ANGPT2: variants seen among roughly 807,000 people sequenced by gnomAD.
ANGPT2 encodes angiopoietin-2.
Under a neutral mutation model 62.9 loss-of-function variants are expected in ANGPT2, and 28 were observed. That is an observed-to-expected ratio of 0.44 (90% CI 0.33 to 0.61). The LOEUF is 0.61. Ranked by LOEUF, ANGPT2 falls within the 20% of genes least tolerant of loss-of-function variation. ANGPT2 has a pLI of 0.03. For synonymous variants in ANGPT2, 284 were observed against 207.8 expected (o/e 1.37, Z -3.15); for missense variants, 727 against 594.9 (o/e 1.22, Z -2.31).
chr8:6,534,071 T>G (rs1018013437), intron 1 of ANGPT2, among the ~76,000 whole-genome samples: 3 of 152,098 alleles, frequency 2.0e-5, no homozygotes, highest in African/African-American at 7.2e-5. Flanking sequence ...GCCTGGTCAC[T>G]AAGGCTGCCT....
chr8:6,528,460 G>C (rs1355616537), intron 2 of ANGPT2, among the ~76,000 whole-genome samples: 4 of 152,094 alleles, frequency 2.6e-5, no homozygotes, highest in Non-Finnish European at 5.9e-5. Flanking sequence ...TTTTAGCCTG[G>C]GATTTCCTCA....
chr8:6,554,943 G>C (rs1027023788), intron 1 of ANGPT2, among the ~76,000 whole-genome samples: 13 of 152,162 alleles, frequency 8.5e-5, no homozygotes, highest in Non-Finnish European at 1.5e-4. Flanking sequence ...GTGATTTCAT[G>C]GAGAAATATC....
At chr8:6,547,836 T>C (rs887331039) in intron 1 of ANGPT2, among the ~76,000 whole-genome samples, 8 of 151,936 alleles carry the variant, frequency 5.3e-5, no homozygotes, top group Non-Finnish European at 1.2e-4. Flanking sequence ...GGCAGAGGTT[T>C]TCCTATTGTT....
Position 6,563,087 on chromosome 8 carries a change from A to C in ANGPT2, c.-153T>G. 1.2e-6 allele frequency: 1 copy of C among 809,394 alleles called. No homozygotes were observed. Among genetic ancestry groups the C allele is most frequent in the Non-Finnish European group, 1.9e-6 (1 of 536,374 alleles). The allele number at this position is 809,394 out of a possible 1,614,324, so 50.1% of individuals were successfully genotyped here. ...TTCTCTTTCCTCTTTTTCCAGTAGC[A>C]AACCTGGTTTTTACTGCTGTGTTCT... On this transcript the variant is annotated 5_prime_UTR_variant, in exon 1 of 9. Coordinates refer to ENST00000629816, the MANE Select transcript of ANGPT2 (RefSeq NM_001118887.2).
chr8:6,507,572 C>CTTTTTTTTTT (rs35163014), intron 8 of ANGPT2: 54 of 104,782 alleles, frequency 5.2e-4, no homozygotes, highest in Non-Finnish European at 7.2e-4. Flanking sequence ...ACTTTCTTTT[C>CTTTTTTTTTT]TTTTTTTTTT....
intron 8 of ANGPT2, among the ~76,000 whole-genome samples, chr8:6,504,245 G>A (rs1182978184): frequency 1.3e-5 from 2 of 149,338 alleles, no homozygotes; most frequent in African/African-American, 4.9e-5. Flanking sequence ...GTGAACCCGG[G>A]AGGCGGAGCT....
rs1459487724 is a variant in ANGPT2 at position 6,501,973 on chromosome 8, A to T, written c.*1128T>A. ...GCTGATTGACATAAAAAAACTTACT[A>T]GTGTCAATTATTTTTTTCCTTAAGT... On this transcript the variant is annotated 3_prime_UTR_variant, in exon 9 of 9. Coordinates refer to ENST00000629816, the MANE Select transcript of ANGPT2 (RefSeq NM_001118887.2). 1.3e-5 allele frequency: 2 copies of T among 150,288 alleles called. No individual in the cohort carries two copies. Among genetic ancestry groups the T allele is most frequent in the Non-Finnish European group, 3.0e-5 (2 of 67,482 alleles). The allele number at this position is 150,288 out of a possible 1,614,324, so 9.3% of individuals were successfully genotyped here. A position where few individuals can be genotyped will look rare whatever the true frequency, so the allele number is the denominator to read the frequency against.
chr8:6,500,388 T>C lies in ANGPT2; in HGVS notation c.*2713A>G, dbSNP rs1463845147. 1 of 158,442 alleles carries C rather than the reference T, an allele frequency of 6.3e-6. No homozygotes were observed. The highest frequency in any genetic ancestry group is 2.4e-5 in the African/African-American group (1 of 41,500). The allele number at this position is 158,442 out of a possible 1,614,324, so 9.8% of individuals were successfully genotyped here. The stretch of plus-strand genomic sequence containing the variant: ...CATTGAAAAGTTCTGGGTTCTAATT[T>C]TTTTTAAGATTAAGTAATAATTAAG... On this transcript the variant is annotated 3_prime_UTR_variant, in exon 9 of 9. Transcript: ENST00000629816.
At chr8:6,503,298 G>A (rs757516622) in intron 8 of ANGPT2, 37 bp from the exon 9 acceptor site, 3 of 1,611,636 alleles carry the variant, frequency 1.9e-6, no homozygotes, top group African/African-American at 1.3e-5. Context: ...TAGGAACTAG[G>A]TGATGCCAGC....
chr8:6,556,620 T>A (rs1373942067), intron 1 of ANGPT2, among the ~76,000 whole-genome samples: 2 of 118,524 alleles, frequency 1.7e-5, no homozygotes, highest in Non-Finnish European at 3.0e-5. Context: ...TCTTTTTTTA[T>A]TTTTTTTTCA....
intron 1 of ANGPT2, among the ~76,000 whole-genome samples, chr8:6,538,050 G>A (rs542766413): frequency 6.6e-6 from 1 of 152,222 alleles, no homozygotes; most frequent in Admixed American, 6.5e-5. Flanking sequence ...ACTTTTTACT[G>A]TTGCCCATTT....
At chr8:6,561,800 AAG>A (rs1318618406) in intron 1 of ANGPT2, among the ~76,000 whole-genome samples, 1 of 152,226 alleles carries the variant, frequency 6.6e-6, no homozygotes, top group African/African-American at 2.4e-5. Context: ...TTATTTATGA[AAG>A]AAAAACAGAG....
intron 1 of ANGPT2, among the ~76,000 whole-genome samples, chr8:6,548,698 C>A (rs897207977): frequency 2.0e-5 from 3 of 152,172 alleles, no homozygotes; most frequent in African/African-American, 7.2e-5. Context: ...TCCTCGTGCT[C>A]ACAGAAGCAA....
chr8:6,503,479 C>A (rs548801953), intron 8 of ANGPT2, among the ~76,000 whole-genome samples: 1 of 152,200 alleles, frequency 6.6e-6, no homozygotes, highest in Non-Finnish European at 1.5e-5. Flanking sequence ...TTTTACAAGC[C>A]TTCTTCCACC....
At chr8:6,533,081 A>T (rs187037838) in intron 1 of ANGPT2, among the ~76,000 whole-genome samples, 1 of 152,322 alleles carries the variant, frequency 6.6e-6, no homozygotes, top group East Asian at 1.9e-4. Context: ...AATTCGACCT[A>T]TTAAATTTTT....
chr8:6,519,163 G>A (rs913475952), intron 5 of ANGPT2, among the ~76,000 whole-genome samples: 1 of 152,198 alleles, frequency 6.6e-6, no homozygotes, highest in Non-Finnish European at 1.5e-5. Flanking sequence ...TGCGTTAGAT[G>A]AGGTTAGAAT....
At chr8:6,556,000 A>C (rs1203296759) in intron 1 of ANGPT2, among the ~76,000 whole-genome samples, 1 of 152,142 alleles carries the variant, frequency 6.6e-6, no homozygotes, top group Non-Finnish European at 1.5e-5. Flanking sequence ...GAATCTGTCA[A>C]GTCTGCTGTG....
At chr8:6,515,823 G>A (rs1816154940) in intron 5 of ANGPT2, among the ~76,000 whole-genome samples, 1 of 152,352 alleles carries the variant, frequency 6.6e-6, no homozygotes, top group Middle Eastern at 3.4e-3. Flanking sequence ...GGCAGGGTAA[G>A]CTTCAACGCA....
At chr8:6,538,748 G>A (rs771649382) in intron 1 of ANGPT2, among the ~76,000 whole-genome samples, 24 of 152,164 alleles carry the variant, frequency 1.6e-4, no homozygotes, top group Non-Finnish European at 3.2e-4. Context: ...ACAGACAATA[G>A]GTTAATGTTC....
Sources: gnomAD v4.1 joint callset for allele counts (sites outside exome capture counted in the v4.1 genomes callset) on GRCh38, gnomAD v4.1.1 for gene constraint, MANE v1.5 for transcripts, NCBI Gene and HGNC (gene_info 2026-07-23, HGNC 2026-07-21) for gene names.